TLK1: variants seen among roughly 807,000 people sequenced by gnomAD.
TLK1 encodes tousled like kinase 1.
A neutral mutation model predicts 105.3 loss-of-function variants in TLK1; 24 were observed. That is an observed-to-expected ratio of 0.23 (90% confidence interval 0.17 to 0.32). The LOEUF is 0.32. Among genes scored for constraint, TLK1 ranks in the 10% least tolerant of loss-of-function variants. TLK1 has a pLI of 1.00. For missense variants in TLK1, 558 were observed against 910.5 expected, an observed-to-expected ratio of 0.61 and a Z score of 4.98; for synonymous variants, 321 against 310.4, an observed-to-expected ratio of 1.03 and a Z score of -0.36.
Position 170,992,311 on chromosome 2 carries a change from A to G in TLK1, c.*1469T>C, listed in dbSNP as rs1257157395. On this transcript the variant is annotated 3_prime_UTR_variant, in exon 21 of 21. Coordinates refer to ENST00000431350, the MANE Select transcript of TLK1 (RefSeq NM_012290.5). ...AAATACAGTTTAACTGTACAATATT[A>G]AAGAGAATCCGTGGTACGTATAACC... is the stretch of plus-strand genomic sequence containing the variant. The G allele has an allele frequency of 6.6e-6, 1 of 152,282 alleles. No homozygotes were observed. Among genetic ancestry groups the G allele is most frequent in the African/African-American group, 2.4e-5 (1 of 41,468 alleles). 9.4% of individuals were successfully genotyped at this position (152,282 alleles called of 1,614,324 possible). A position where few individuals can be genotyped will look rare whatever the true frequency, so the allele number is the denominator to read the frequency against.
intron 11 of TLK1, among the ~76,000 whole-genome samples, chr2:171,043,337 C>A (rs1487612370): frequency 6.6e-6 from 1 of 152,134 alleles, no homozygotes; most frequent in Non-Finnish European, 1.5e-5. Flanking sequence ...GGGTGAGAGT[C>A]TGAATGTTGG....
At chr2:171,229,750 C>A (rs933939447) in intron 1 of TLK1, among the ~76,000 whole-genome samples, 1 of 152,200 alleles carries the variant, frequency 6.6e-6, no homozygotes, top group Admixed American at 6.5e-5. Context: ...GTATTGCCTC[C>A]GCCTAAGAAC....
intron 2 of TLK1, among the ~76,000 whole-genome samples, chr2:171,105,755 T>C (rs1360299051): frequency 2.0e-5 from 3 of 151,808 alleles, no homozygotes; most frequent in African/African-American, 2.4e-5. Context: ...TCCTACACTG[T>C]TGGTGGAAGT....
chr2:171,137,673 A>G (rs1366586115), intron 1 of TLK1, among the ~76,000 whole-genome samples: 1 of 151,864 alleles, frequency 6.6e-6, no homozygotes, highest in Admixed American at 6.6e-5. Context: ...ACATGGTGAA[A>G]CCCCGTCTCT....
intron 2 of TLK1, among the ~76,000 whole-genome samples, chr2:171,100,969 T>A (rs1247248531): frequency 6.6e-6 from 1 of 152,176 alleles, no homozygotes; most frequent in Non-Finnish European, 1.5e-5. Context: ...CACATCCATA[T>A]AATGGAACAG....
At chr2:171,076,703 T>A (rs1312645413) in intron 3 of TLK1, among the ~76,000 whole-genome samples, 2 of 141,224 alleles carry the variant, frequency 1.4e-5, no homozygotes, top group Non-Finnish European at 1.5e-5. Context: ...ATCAAGAGCA[T>A]CCTGACTAAC....
chr2:171,089,821 A>G (rs13430489), intron 2 of TLK1, among the ~76,000 whole-genome samples: 60,640 of 152,016 alleles, frequency 0.4, 13,695 homozygotes, highest in African/African-American at 0.6. Flanking sequence ...TTACGGGCAC[A>G]AGCCACCGTG....
intron 4 of TLK1, chr2:171,060,096 G>A: frequency 1.3e-6 from 2 of 1,499,378 alleles, no homozygotes; most frequent in East Asian, 2.4e-5. Context: ...AAGTGAGGAA[G>A]GTGAAACAAG....
At chr2:171,076,004 G>A (rs907670740) in intron 3 of TLK1, among the ~76,000 whole-genome samples, 4 of 152,104 alleles carry the variant, frequency 2.6e-5, no homozygotes, top group Non-Finnish European at 5.9e-5. Context: ...GGTCACTTGC[G>A]GTCAGGAGTT....
At chr2:170,995,357 A>T (rs1684004255) in intron 20 of TLK1, among the ~76,000 whole-genome samples, 1 of 151,954 alleles carries the variant, frequency 6.6e-6, no homozygotes, top group Admixed American at 6.6e-5. Flanking sequence ...TAAAATTTAT[A>T]TCATATAATT....
upstream of TLK1, among the ~76,000 whole-genome samples, chr2:171,161,295 G>A (rs1469763300): frequency 6.6e-6 from 1 of 151,920 alleles, no homozygotes; most frequent in African/African-American, 2.4e-5. Context: ...CCCAACACGG[G>A]GAGAAATGCT....
chr2:171,032,345 C>A (rs1043776471), intron 11 of TLK1, among the ~76,000 whole-genome samples: 1 of 151,846 alleles, frequency 6.6e-6, no homozygotes, highest in Non-Finnish European at 1.5e-5. Context: ...AGAAAATCCC[C>A]AAAAAATGCA....
intron 1 of TLK1, among the ~76,000 whole-genome samples, chr2:171,183,909 A>G (rs1455365655): frequency 6.6e-6 from 1 of 152,196 alleles, no homozygotes; most frequent in Non-Finnish European, 1.5e-5. Context: ...AGAGTTGTCC[A>G]TGCCATAAAC....
intron 14 of TLK1, among the ~76,000 whole-genome samples, chr2:171,010,316 C>T (rs1296218429): frequency 6.6e-6 from 1 of 152,002 alleles, no homozygotes; most frequent in Non-Finnish European, 1.5e-5. Flanking sequence ...ATGTTATATA[C>T]TGAGGTCAGG....
chr2:171,033,204 TCAAAA>T (rs369758345), intron 11 of TLK1, among the ~76,000 whole-genome samples: 6,498 of 151,910 alleles, frequency 0.043, 405 homozygotes, highest in African/African-American at 0.14. Context: ...AGACCCTGTC[TCAAAA>T]CAAAACAAAA....
At chr2:171,049,562 A>G (rs1687134404) in intron 10 of TLK1, among the ~76,000 whole-genome samples, 1 of 152,192 alleles carries the variant, frequency 6.6e-6, no homozygotes. Context: ...TGTAAAGCTA[A>G]AGGTTCAATT....
At chr2:171,220,682 G>A (rs1211638413) in intron 1 of TLK1, among the ~76,000 whole-genome samples, 1 of 151,724 alleles carries the variant, frequency 6.6e-6, no homozygotes, top group African/African-American at 2.4e-5. Flanking sequence ...AGCCAGCCAA[G>A]TTTCCCCTCA....
intron 10 of TLK1, among the ~76,000 whole-genome samples, chr2:171,047,516 A>G (rs1343647010): frequency 6.6e-6 from 1 of 152,202 alleles, no homozygotes; most frequent in Non-Finnish European, 1.5e-5. Context: ...ATATGATAGG[A>G]GTGAAAAAAA....
intron 1 of TLK1, among the ~76,000 whole-genome samples, chr2:171,147,716 T>C (rs573305883): frequency 6.6e-6 from 1 of 152,344 alleles, no homozygotes; most frequent in African/African-American, 2.4e-5. Context: ...TGAAGAACTG[T>C]AGCTCACAGA....
Sources: allele counts gnomAD v4.1 joint callset (sites outside exome capture counted in the v4.1 genomes callset), GRCh38; gene constraint gnomAD v4.1.1; transcripts MANE v1.5; gene names NCBI Gene and HGNC (gene_info 2026-07-23, HGNC 2026-07-21).